The following DAPK2 variants were observed in gnomAD, a reference collection of about 807,000 sequenced individuals.
DAPK2 encodes the protein death-associated protein kinase 2.
In DAPK2, 35 loss-of-function variants were observed where a neutral mutation model predicts 44.1. The ratio of observed to expected loss-of-function variants is 0.79; its 90% confidence interval spans 0.61 to 1.05. The LOEUF (loss-of-function observed/expected upper bound fraction) is 1.05. DAPK2 is among the 50% of genes least tolerant of loss of function. The probability of loss-of-function intolerance (pLI) is 0.00; values close to 1 mark genes in which losing one functional copy is unlikely to be tolerated. For synonymous variants in DAPK2, 174 were observed against 182.6 expected, an observed-to-expected ratio of 0.95 and a Z score of 0.38; for missense variants, 453 against 483.2, an observed-to-expected ratio of 0.94 and a Z score of 0.59.
chr15:64,005,433 G>C (rs2079200182), intron 1 of DAPK2, among the ~76,000 whole-genome samples: 1 of 151,424 alleles, frequency 6.6e-6, no homozygotes, highest in Admixed American at 6.6e-5. Context: ...ATAGATGCCA[G>C]CCCAAGAATA....
At chr15:64,004,915 C>T (rs180924029) in intron 1 of DAPK2, among the ~76,000 whole-genome samples, 2 of 152,306 alleles carry the variant, frequency 1.3e-5, no homozygotes, top group Admixed American at 1.3e-4. Context: ...TCCTTTGAAA[C>T]GTTAATTCCT....
At chr15:63,924,782 C>T in intron 8 of DAPK2, 34 bp downstream of exon 9, 2 of 1,613,626 alleles carry the variant, frequency 1.2e-6, no homozygotes, top group Admixed American at 3.3e-5. Context: ...AGCAGGGACC[C>T]TTTGCCCATT....
intron 8 of DAPK2, chr15:63,922,354 C>T (rs1464113780): frequency 9.9e-7 from 1 of 1,006,648 alleles, no homozygotes; most frequent in Non-Finnish European, 1.2e-6. Context: ...AAATATTACC[C>T]AAGATCTACA....
chr15:64,035,581 T>TC (rs1254991781), intron 1 of DAPK2, among the ~76,000 whole-genome samples: 1 of 152,210 alleles, frequency 6.6e-6, no homozygotes, highest in African/African-American at 2.4e-5. Flanking sequence ...GTTCACCTCT[T>TC]CTCCTCTCTG....
intron 3 of DAPK2, among the ~76,000 whole-genome samples, chr15:63,958,706 G>A (rs1451784979): frequency 1.3e-5 from 2 of 152,116 alleles, no homozygotes; most frequent in African/African-American, 2.4e-5. Context: ...CTGTTCCATT[G>A]GTCTATATGT....
intron 4 of DAPK2, among the ~76,000 whole-genome samples, chr15:63,938,741 G>A (rs2077228235): frequency 6.6e-6 from 1 of 152,234 alleles, no homozygotes; most frequent in African/African-American, 2.4e-5. Context: ...GAAGCAGCCA[G>A]GGCCCCACTG....
At chr15:63,933,097 G>T (rs2077022107) in intron 4 of DAPK2, among the ~76,000 whole-genome samples, 1 of 152,152 alleles carries the variant, frequency 6.6e-6, no homozygotes, top group Non-Finnish European at 1.5e-5. Context: ...AATTCAAAGT[G>T]TGGTCTGCAG....
intron 1 of DAPK2, among the ~76,000 whole-genome samples, chr15:64,014,349 T>C (rs1296541513): frequency 4.6e-5 from 7 of 152,336 alleles, no homozygotes; most frequent in Non-Finnish European, 1.0e-4. Context: ...AATCACACAG[T>C]GTTCTGCCTG....
chr15:64,030,405 C>G (rs1304774802), intron 1 of DAPK2, among the ~76,000 whole-genome samples: 1 of 152,274 alleles, frequency 6.6e-6, no homozygotes, highest in East Asian at 1.9e-4. Flanking sequence ...TCACCTGCCT[C>G]TCCTGTTTGT....
Position 63,912,211 on chromosome 15 carries a change from C to A in DAPK2, c.859-14G>T. 1 of 1,613,474 alleles carries A rather than the reference C, an allele frequency of 6.2e-7. No individual in the cohort carries two copies. The highest frequency in any genetic ancestry group is 8.5e-7 in the Non-Finnish European group (1 of 1,179,736). On this transcript the variant is annotated splice_polypyrimidine_tract_variant and intron_variant, in intron 8 of 10. Transcript: ENST00000261891. The surrounding 1 kb of genome is among the most constrained non-coding windows in gnomAD (Gnocchi z 4.4). ...GTTGTCCACCGGCTGAGAGACAAAGCAGAGCATGGCAGCTGATGCTGGGCT... is the reference window on the plus strand; with the variant it reads ...GTTGTCCACCGGCTGAGAGACAAAGAAGAGCATGGCAGCTGATGCTGGGCT...
At chr15:63,963,353 C>T (rs2077965263) in intron 3 of DAPK2, among the ~76,000 whole-genome samples, 1 of 152,210 alleles carries the variant, frequency 6.6e-6, no homozygotes, top group African/African-American at 2.4e-5. Context: ...TTCTGACAAG[C>T]CCCAGTGAGA....
At chr15:64,035,481 G>C (rs2080154061) in intron 1 of DAPK2, among the ~76,000 whole-genome samples, 1 of 152,122 alleles carries the variant, frequency 6.6e-6, no homozygotes, top group Admixed American at 6.5e-5. Flanking sequence ...AGGAAGTAAT[G>C]ACTTTGTGTT....
chr15:64,046,022 G>T lies in DAPK2; in HGVS notation c.-7+276C>A, dbSNP rs562500663. The stretch of plus-strand genomic sequence containing the variant: ...ATGGACGTCTGTCTCCCATCTCCCT[G>T]CTGGGTGCTTGGCTCTGCCCGCCGC... On this transcript the variant is annotated intron_variant, in intron 1 of 11. Coordinates refer to the DAPK2 transcript ENST00000457488. This position sits in a 1 kb window ranked among gnomAD's most constrained non-coding sequence, Gnocchi z 5.3. Among the ~76,000 whole-genome samples, 65 of 152,344 alleles carry T rather than the reference G, an allele frequency of 4.3e-4. 1 individual carries two copies. In the East Asian group the frequency reaches 0.012, roughly 27 times the overall value.
intron 3 of DAPK2, among the ~76,000 whole-genome samples, chr15:63,947,519 G>A (rs1445776407): frequency 2.0e-5 from 3 of 152,156 alleles, no homozygotes; most frequent in East Asian, 1.9e-4. Context: ...AAGCATGCAC[G>A]CCTTGGAATC....
rs533983711 is a variant in DAPK2, at chr15:64,018,740, T to C, written c.92+21430A>G. Among the ~76,000 whole-genome samples the C allele has an allele frequency of 2.6e-4, 40 of 152,320 alleles. No homozygotes were observed. The South Asian group carries it at 8.1e-3, about 31-fold the overall frequency. ...TTTTACACCTGGGGCTGCCTCTTAC[T>C]CCAAAGGTCCTCAGTCCTGGATGGA... On this transcript the variant is annotated intron_variant, in intron 1 of 10. Coordinates refer to ENST00000261891, the Ensembl canonical transcript of DAPK2.
At position 63,954,894 on chromosome 15, in the gene DAPK2, T is replaced by C. The variant is rs74806500; in HGVS notation, c.454-15533A>G. 8.4e-3 allele frequency among the ~76,000 whole-genome samples: 1,280 copies of C among 152,336 alleles called. 27 individuals are homozygous for C. The highest frequency in any genetic ancestry group is 0.029 in the African/African-American group (1,209 of 41,582). On this transcript the variant is annotated intron_variant, in intron 3 of 10. Coordinates refer to ENST00000261891, the Ensembl canonical transcript of DAPK2. Reference sequence around the variant, plus strand: ...ATATTTTGTTCTTTGGTTAAGTTAATCCTAGGTTTCTTTTTAGCTATTGTA... The same window carrying C: ...ATATTTTGTTCTTTGGTTAAGTTAACCCTAGGTTTCTTTTTAGCTATTGTA...
rs57997935 is a variant in DAPK2 at position 63,933,596 on chromosome 15, A to ATT, written c.584-3143_584-3142dup. ...TGAAGTAGCAGTTCAGGACAGATTGATTTTTTTTTTTTTTTTTTTTGAGAC... is the reference window on the plus strand; with the variant it reads ...TGAAGTAGCAGTTCAGGACAGATTGATTTTTTTTTTTTTTTTTTTTTTGAGAC... On this transcript the variant is annotated intron_variant, in intron 4 of 10. Transcript: ENST00000261891. Among the ~76,000 whole-genome samples the ATT allele has an allele frequency of 2.5e-3, 291 of 118,140 alleles. 2 individuals are homozygous for ATT. The highest frequency in any genetic ancestry group is 7.1e-3 in the African/African-American group (225 of 31,860). The allele number at this position is 118,140 out of a possible 152,430, so 77.5% of individuals were successfully genotyped here.
At chr15:63,954,171 T>G (rs1256026853) in intron 3 of DAPK2, among the ~76,000 whole-genome samples, 1 of 152,230 alleles carries the variant, frequency 6.6e-6, no homozygotes, top group African/African-American at 2.4e-5. Flanking sequence ...TGATCCCATT[T>G]GTCTATGTTT....
intron 3 of DAPK2, among the ~76,000 whole-genome samples, chr15:63,940,770 A>C (rs894428713): frequency 6.6e-6 from 1 of 152,184 alleles, no homozygotes; most frequent in Non-Finnish European, 1.5e-5. Context: ...TGAAGTACTG[A>C]TACCTGCTAC....
Sources: gnomAD v4.1 joint callset for allele counts (sites outside exome capture counted in the v4.1 genomes callset) on GRCh38, gnomAD v4.1.1 for gene constraint, Gnocchi (gnomAD v3.1) non-coding constraint, MANE v1.5 for transcripts, NCBI Gene and HGNC (gene_info 2026-07-23, HGNC 2026-07-21) for gene names.